RBFOX1: variants seen among roughly 807,000 people sequenced by gnomAD.
RBFOX1 encodes the protein RNA binding protein fox-1 homolog 1.
RBFOX1 carries 8 observed loss-of-function variants against 57.7 expected under a neutral mutation model. The observed-to-expected ratio is 0.14, with a 90% CI of 0.08 to 0.25. The LOEUF (loss-of-function observed/expected upper bound fraction) is 0.25, where lower values mean the gene tolerates loss of function less well. RBFOX1 is among the 10% of genes least tolerant of loss of function. RBFOX1 has a pLI of 1.00. For missense variants in RBFOX1, 611 were observed against 548.5 expected (o/e 1.11, Z -1.14); for synonymous variants, 326 against 222.4 (o/e 1.47, Z -4.15).
At chr16:7,678,485 CTA>C (rs1297944804) in intron 14 of RBFOX1, among the ~76,000 whole-genome samples, 1 of 152,118 alleles carries the variant, frequency 6.6e-6, no homozygotes, top group Non-Finnish European at 1.5e-5. Context: ...GAAAATATCT[CTA>C]GATGCTAAAT....
intron 4 of RBFOX1, among the ~76,000 whole-genome samples, chr16:5,964,609 A>C (rs1408793659): frequency 6.6e-6 from 1 of 152,116 alleles, no homozygotes; most frequent in Admixed American, 6.6e-5. Flanking sequence ...CTATGTATAT[A>C]TATATCTCAC....
chr16:6,586,817 C>T (rs767008481), intron 2 of RBFOX1, among the ~76,000 whole-genome samples: 6 of 152,128 alleles, frequency 3.9e-5, no homozygotes, highest in Non-Finnish European at 8.8e-5. Context: ...TTTAACTGCA[C>T]TATCACCACG....
At chr16:6,432,097 G>C (rs1329699177) in intron 2 of RBFOX1, among the ~76,000 whole-genome samples, 1 of 151,972 alleles carries the variant, frequency 6.6e-6, no homozygotes, top group African/African-American at 2.4e-5. Context: ...AAGAAGATGA[G>C]ACTATAGGTG....
At chr16:7,678,552 A>G (rs927967286) in intron 14 of RBFOX1, among the ~76,000 whole-genome samples, 7 of 152,164 alleles carry the variant, frequency 4.6e-5, no homozygotes, top group African/African-American at 1.4e-4. Context: ...AGCCTGCTGT[A>G]TAATTATAAG....
intron 3 of RBFOX1, among the ~76,000 whole-genome samples, chr16:5,675,462 C>G (rs932560745): frequency 8.5e-5 from 13 of 152,182 alleles, no homozygotes; most frequent in Non-Finnish European, 8.8e-5. Context: ...ACTCAGCTCA[C>G]GTGCCCAGTG....
chr16:6,797,063 T>C (rs1179182597), intron 3 of RBFOX1, among the ~76,000 whole-genome samples: 1 of 152,160 alleles, frequency 6.6e-6, no homozygotes, highest in Admixed American at 6.5e-5. Context: ...TGGGTTGCTC[T>C]AGTGAAGCAA....
In RBFOX1 at chr16:6,688,840, A is replaced by G. The variant is rs775337660; in HGVS notation, c.-16+34190A>G. 3.3e-5 allele frequency among the ~76,000 whole-genome samples: 5 copies of G among 152,046 alleles called. No individual in the cohort carries two copies. In the South Asian group the frequency reaches 1.0e-3, roughly 32 times the overall value. The stretch of plus-strand genomic sequence containing the variant: ...GTGTGATGTTCTCCTCCCTGTGTCC[A>G]TGTGTTCTCATTGTTCAACTCCCAC... On this transcript the variant is annotated intron_variant, in intron 3 of 15. Transcript: ENST00000550418.
intron 2 of RBFOX1, among the ~76,000 whole-genome samples, chr16:5,487,744 G>T (rs956659557): frequency 3.9e-5 from 6 of 152,126 alleles, no homozygotes; most frequent in Non-Finnish European, 8.8e-5. Context: ...TCACACCTCT[G>T]CTTGCCCTCA....
At chr16:6,639,292 G>A (rs1456452903) in intron 2 of RBFOX1, among the ~76,000 whole-genome samples, 1 of 152,168 alleles carries the variant, frequency 6.6e-6, no homozygotes, top group Non-Finnish European at 1.5e-5. Flanking sequence ...AAGAGGAAGT[G>A]AAATATTCAA....
chr16:5,289,745 A>G (rs901821980), intron 1 of RBFOX1, among the ~76,000 whole-genome samples: 2 of 152,244 alleles, frequency 1.3e-5, no homozygotes, highest in Non-Finnish European at 2.9e-5. Flanking sequence ...CAAAGGGCAT[A>G]AAGAGAATGT....
chr16:6,071,182 C>T (rs1037558414), intron 1 of RBFOX1, among the ~76,000 whole-genome samples: 4 of 151,952 alleles, frequency 2.6e-5, no homozygotes, highest in Non-Finnish European at 4.4e-5. Context: ...ATTAGCGGGA[C>T]GTGTGGCACA....
intron 1 of RBFOX1, among the ~76,000 whole-genome samples, chr16:6,159,197 C>T (rs1201336745): frequency 6.6e-6 from 1 of 152,214 alleles, no homozygotes; most frequent in Non-Finnish European, 1.5e-5. Flanking sequence ...CTGCCTCGGC[C>T]TCCCGAGTAG....
intron 3 of RBFOX1, among the ~76,000 whole-genome samples, chr16:5,734,519 G>A (rs1286288370): frequency 6.6e-6 from 1 of 152,216 alleles, no homozygotes; most frequent in African/African-American, 2.4e-5. Flanking sequence ...CCCATGGAGT[G>A]TTGCCATTGC....
chr16:5,728,749 G>A (rs955627029), intron 3 of RBFOX1, among the ~76,000 whole-genome samples: 3 of 152,138 alleles, frequency 2.0e-5, no homozygotes, highest in Non-Finnish European at 4.4e-5. Context: ...CAGGCACAGA[G>A]GCAGCTCCAT....
intron 1 of RBFOX1, among the ~76,000 whole-genome samples, chr16:5,387,166 T>C (rs1377200432): frequency 1.3e-5 from 2 of 152,332 alleles, no homozygotes; most frequent in East Asian, 3.9e-4. Flanking sequence ...GTGACAGGTT[T>C]CTGTTTGTAT....
chr16:5,968,877 ATCT>A (rs1271405930), intron 4 of RBFOX1, among the ~76,000 whole-genome samples: 1 of 151,870 alleles, frequency 6.6e-6, no homozygotes, highest in Non-Finnish European at 1.5e-5. Context: ...GTACTCTTGA[ATCT>A]TCTTTTTATT....
intron 1 of RBFOX1, among the ~76,000 whole-genome samples, chr16:6,285,620 CT>C (rs1168454500): frequency 6.6e-6 from 1 of 152,094 alleles, no homozygotes; most frequent in Admixed American, 6.6e-5. Flanking sequence ...GAGAGGTTTG[CT>C]TTTTAGGATG....
intron 4 of RBFOX1, among the ~76,000 whole-genome samples, chr16:7,364,672 T>C (rs935031688): frequency 2.6e-5 from 4 of 152,132 alleles, no homozygotes; most frequent in African/African-American, 9.7e-5. Context: ...TTCTTCTATC[T>C]GAATGATCCT....
chr16:6,487,548 T>G (rs1217334647), intron 2 of RBFOX1, among the ~76,000 whole-genome samples: 1 of 151,388 alleles, frequency 6.6e-6, no homozygotes, highest in African/African-American at 2.4e-5. Context: ...TTCTAAGCAT[T>G]TACCGATAGT....
Sources: allele counts gnomAD v4.1 joint callset (sites outside exome capture counted in the v4.1 genomes callset), GRCh38; gene constraint gnomAD v4.1.1; transcripts MANE v1.5; gene names NCBI Gene and HGNC (gene_info 2026-07-23, HGNC 2026-07-21).